NXPE2: variants seen among roughly 807,000 people sequenced by gnomAD.
NXPE2 encodes the protein neurexophilin and PC-esterase domain family member 2, also known as NXPE family member 2.
A neutral mutation model predicts 34.4 loss-of-function variants in NXPE2; 34 were observed. The ratio of observed to expected loss-of-function variants is 0.99; its 90% CI spans 0.75 to 1.31. NXPE2 has a LOEUF of 1.31. Among genes scored for constraint, NXPE2 ranks in the 40% most tolerant of loss-of-function variants. The pLI, the probability that NXPE2 is intolerant of heterozygous loss-of-function variation, is 0.00. For missense variants in NXPE2, 649 were observed against 672.5 expected (o/e 0.97, Z 0.39); for synonymous variants, 235 against 231.3 (o/e 1.02, Z -0.15).
chr11:114,585,609 GTATA>G, the NXPE2 span, among the ~76,000 whole-genome samples: 3 of 151,622 alleles, frequency 2.0e-5, no homozygotes, highest in African/African-American at 7.3e-5. Flanking sequence ...GTGTGTGTGT[GTATA>G]TATATGTATA....
chr11:114,631,894 G>T, the NXPE2 span, among the ~76,000 whole-genome samples: 2 of 151,314 alleles, frequency 1.3e-5, no homozygotes, highest in Admixed American at 1.3e-4. Flanking sequence ...TGGATAATAA[G>T]TATTGCCTCG....
chr11:114,482,442 G>C, the NXPE2 span, among the ~76,000 whole-genome samples: 7 of 152,116 alleles, frequency 4.6e-5, no homozygotes, highest in Non-Finnish European at 7.4e-5. Flanking sequence ...AAAATTCCTA[G>C]GCAATTTCCT....
At chr11:114,663,360 C>T in the NXPE2 span, among the ~76,000 whole-genome samples, 1 of 152,078 alleles carries the variant, frequency 6.6e-6, no homozygotes, top group Non-Finnish European at 1.5e-5. Context: ...GATTGGTGGG[C>T]CCTCTTCCTG....
At chr11:114,732,467 A>T in the NXPE2 span, among the ~76,000 whole-genome samples, 5 of 152,188 alleles carry the variant, frequency 3.3e-5, no homozygotes, top group African/African-American at 1.2e-4. Context: ...CAATCTCCAG[A>T]AAACCTCCTA....
intron 4 of NXPE2, among the ~76,000 whole-genome samples, chr11:114,704,363 G>A (rs183315892): frequency 4.9e-4 from 75 of 152,304 alleles, no homozygotes; most frequent in Non-Finnish European, 9.1e-4. Context: ...ATGATCAGGT[G>A]CTGGTGCTAT....
chr11:114,536,798 C>A, the NXPE2 span, among the ~76,000 whole-genome samples: 1 of 152,058 alleles, frequency 6.6e-6, no homozygotes, highest in Non-Finnish European at 1.5e-5. Context: ...TAATAGCTTA[C>A]CAACCAAAAA....
chr11:114,654,318 G>T, the NXPE2 span, among the ~76,000 whole-genome samples: 2 of 151,778 alleles, frequency 1.3e-5, no homozygotes, highest in Non-Finnish European at 2.9e-5. Context: ...CAGGAAAGTT[G>T]TTTAAAATCT....
chr11:114,617,343 G>A, the NXPE2 span, among the ~76,000 whole-genome samples: 1 of 151,968 alleles, frequency 6.6e-6, no homozygotes, highest in Non-Finnish European at 1.5e-5. Flanking sequence ...CTTACCTGGT[G>A]GATAATAAGT....
the NXPE2 span, among the ~76,000 whole-genome samples, chr11:114,805,851 T>G: frequency 2.6e-5 from 4 of 152,162 alleles, no homozygotes; most frequent in Non-Finnish European, 5.9e-5. Flanking sequence ...AGAGTAGTGG[T>G]TCTCCCAGCA....
the NXPE2 span, chr11:114,553,718 A>G: frequency 3.0e-6 from 3 of 985,376 alleles, no homozygotes; most frequent in Non-Finnish European, 3.6e-6. Context: ...TGAGCTCTGC[A>G]TATCCCAGTG....
At chr11:114,796,829 T>C in the NXPE2 span, among the ~76,000 whole-genome samples, 1 of 152,180 alleles carries the variant, frequency 6.6e-6, no homozygotes, top group African/African-American at 2.4e-5. Flanking sequence ...ACCATTGGAA[T>C]TGCTGGAGGA....
At chr11:114,764,481 A>C in the NXPE2 span, among the ~76,000 whole-genome samples, 1 of 152,236 alleles carries the variant, frequency 6.6e-6, no homozygotes, top group Non-Finnish European at 1.5e-5. Context: ...TACATACATT[A>C]CATAAAGAAA....
the NXPE2 span, among the ~76,000 whole-genome samples, chr11:114,492,931 A>G: frequency 0.27 from 41,597 of 151,990 alleles, 5,835 homozygotes; most frequent in East Asian, 0.37. Flanking sequence ...ATTGTATTGG[A>G]GTTTTTGTTC....
chr11:114,799,367 T>C, the NXPE2 span, among the ~76,000 whole-genome samples: 5 of 150,710 alleles, frequency 3.3e-5, no homozygotes, highest in African/African-American at 4.9e-5. Context: ...GCAAAAATGC[T>C]GGCTGAGTTA....
At chr11:114,787,327 G>C in the NXPE2 span, among the ~76,000 whole-genome samples, 2 of 152,200 alleles carry the variant, frequency 1.3e-5, no homozygotes, top group South Asian at 4.1e-4. Flanking sequence ...TGATTCTTAA[G>C]TGAGCCTCCT....
intron 2 of NXPE2, among the ~76,000 whole-genome samples, chr11:114,682,663 C>T (rs1278649459): frequency 6.6e-6 from 1 of 152,022 alleles, no homozygotes; most frequent in Non-Finnish European, 1.5e-5. Context: ...CCTGAGCAAA[C>T]CAAACTTAAT....
At chr11:114,475,351 C>T in the NXPE2 span, among the ~76,000 whole-genome samples, 1 of 146,044 alleles carries the variant, frequency 6.8e-6, no homozygotes. Flanking sequence ...TCAAGTGATT[C>T]TCCTGCCTCA....
chr11:114,662,769 C>T, the NXPE2 span, among the ~76,000 whole-genome samples: 10 of 152,266 alleles, frequency 6.6e-5, no homozygotes, highest in Admixed American at 3.3e-4. Flanking sequence ...CCCTAGCTCC[C>T]GAGTGACATT....
At chr11:114,667,136 A>G in the NXPE2 span, among the ~76,000 whole-genome samples, 1 of 152,114 alleles carries the variant, frequency 6.6e-6, no homozygotes, top group Non-Finnish European at 1.5e-5. Flanking sequence ...ATCTGTATAC[A>G]TGAAGATATT....
Sources: allele counts gnomAD v4.1 joint callset (sites outside exome capture counted in the v4.1 genomes callset), GRCh38; gene constraint gnomAD v4.1.1; transcripts MANE v1.5; gene names NCBI Gene and HGNC (gene_info 2026-07-23, HGNC 2026-07-21).